Variants in AHCY observed in about 807,000 individuals in gnomAD.
The protein encoded by AHCY is S-adenosyl-L-homocysteine hydrolase.
A neutral mutation model predicts 45.4 loss-of-function variants in AHCY; 24 were observed. That is an observed-to-expected ratio of 0.53 (90% CI 0.38 to 0.74). The LOEUF (loss-of-function observed/expected upper bound fraction) is 0.74. Ranked by LOEUF, AHCY falls within the 30% of genes least tolerant of loss-of-function variation. The probability of loss-of-function intolerance (pLI) is 0.00; values close to 1 mark genes in which losing one functional copy is unlikely to be tolerated. For synonymous variants in AHCY, 245 were observed against 235.1 expected, an observed-to-expected ratio of 1.04 and a Z score of -0.39; for missense variants, 449 against 594.1, an observed-to-expected ratio of 0.76 and a Z score of 2.54.
At chr20:34,282,654 C>A (rs1236466976) in intron 9 of AHCY, among the ~76,000 whole-genome samples, 1 of 152,144 alleles carries the variant, frequency 6.6e-6, no homozygotes, top group Non-Finnish European at 1.5e-5. Context: ...CCACGGTCAC[C>A]AAGCTAGTGA....
chr20:34,267,459 CAAAAAAAAAAAA>C, the AHCY span, among the ~76,000 whole-genome samples: 7 of 46,280 alleles, frequency 1.5e-4, 1 homozygote, highest in Admixed American at 5.2e-4. Flanking sequence ...AACTGGCTCT[CAAAAAAAAAAAA>C]AAAAAAAAAA....
intron 1 of AHCY, among the ~76,000 whole-genome samples, chr20:34,298,833 T>C (rs2036673954): frequency 6.6e-6 from 1 of 152,108 alleles, no homozygotes; most frequent in African/African-American, 2.4e-5. Context: ...TTAGTAAAAA[T>C]ACTAATAGTC....
upstream of AHCY, among the ~76,000 whole-genome samples, chr20:34,306,105 A>G (rs913318743): frequency 6.6e-6 from 1 of 152,014 alleles, no homozygotes; most frequent in East Asian, 1.9e-4. Flanking sequence ...AAAAGAAAAA[A>G]AAAGAAATGT....
At chr20:34,304,440 A>G (rs1308700808), upstream of AHCY, among the ~76,000 whole-genome samples, 1 of 152,160 alleles carries the variant, frequency 6.6e-6, no homozygotes, top group Non-Finnish European at 1.5e-5. Context: ...TATAACTAAT[A>G]TAATGTAAAT....
chr20:34,293,073 G>A (rs904623142), intron 3 of AHCY, among the ~76,000 whole-genome samples: 4 of 152,076 alleles, frequency 2.6e-5, no homozygotes, highest in Admixed American at 6.6e-5. Flanking sequence ...CCATGTGTGG[G>A]GTACTTGCTT....
the AHCY span, chr20:34,269,030 C>T: frequency 1.2e-6 from 2 of 1,607,756 alleles, no homozygotes; most frequent in African/African-American, 2.7e-5. Context: ...GCCCCGGACC[C>T]CCCTATCTGC....
chr20:34,281,020 C>A lies in AHCY; in HGVS notation c.*14G>T, dbSNP rs375775958. ...CAAGGACAGCAGCTGGAGGGTGAAA[C>A]GCAGACCTGGCTCTCAGTAGCGGTA... On this transcript the variant is annotated 3_prime_UTR_variant, in exon 10 of 10. Coordinates refer to ENST00000217426, the MANE Select transcript of AHCY (RefSeq NM_000687.4). 1 of 1,613,984 alleles carries A rather than the reference C, an allele frequency of 6.2e-7. No individual in the cohort carries two copies. The highest frequency in any genetic ancestry group is 8.5e-7 in the Non-Finnish European group (1 of 1,179,976).
At chr20:34,268,948 G>A in the AHCY span, 1 of 1,562,138 alleles carries the variant, frequency 6.4e-7, no homozygotes, top group Non-Finnish European at 8.7e-7. Flanking sequence ...GACCGGAGGG[G>A]TGGGCGTGGC....
the AHCY span, among the ~76,000 whole-genome samples, chr20:34,261,658 C>T: frequency 9.9e-5 from 15 of 151,180 alleles, no homozygotes; most frequent in Non-Finnish European, 2.1e-4. Context: ...AAAAACTAGC[C>T]GGGAATGGTG....
At chr20:34,268,457 C>G in the AHCY span, among the ~76,000 whole-genome samples, 1 of 152,116 alleles carries the variant, frequency 6.6e-6, no homozygotes, top group Non-Finnish European at 1.5e-5. Flanking sequence ...GTGGCTCACG[C>G]CTGTAATGTA....
chr20:34,264,295 A>G, the AHCY span, among the ~76,000 whole-genome samples: 3 of 152,214 alleles, frequency 2.0e-5, no homozygotes, highest in Non-Finnish European at 4.4e-5. Flanking sequence ...ATAATTGTGA[A>G]GATACCTCCT....
chr20:34,247,420 C>A, the AHCY span, among the ~76,000 whole-genome samples: 1 of 151,530 alleles, frequency 6.6e-6, no homozygotes, highest in African/African-American at 2.4e-5. Flanking sequence ...CCTGCCTCAG[C>A]CTCCCGAGTA....
the AHCY span, among the ~76,000 whole-genome samples, chr20:34,255,970 C>G: frequency 4.3e-4 from 65 of 152,226 alleles, no homozygotes; most frequent in Admixed American, 3.2e-3. Flanking sequence ...CAGGCCCACC[C>G]GCAGCCTCCA....
rs747915996 is a variant in AHCY, at chr20:34,292,473, G to A, written c.330C>T (p.Tyr110=). The change falls in exon 4 of 10, where the codon TAC becomes TAT. Residue 110 remains tyrosine, a synonymous_variant. Coordinates refer to ENST00000217426, the MANE Select transcript of AHCY (RefSeq NM_000687.4). ...ACAGGGTCTGCTCAATGCACCACAG[G>A]TACTCCTCGTCCGTTTCGCCCTTCC... ...YAWKGETDEE[Y]LWCIEQTLYF... 12 of 1,614,134 alleles carry A rather than the reference G, an allele frequency of 7.4e-6. No homozygotes were observed. The highest frequency in any genetic ancestry group is 1.0e-5 in the Non-Finnish European group (12 of 1,180,046).
At position 34,291,423 on chromosome 20, in the gene AHCY, G is replaced by A; in HGVS notation, c.554C>T (p.Thr185Ile). 2 of 1,613,860 alleles carry A rather than the reference G, an allele frequency of 1.2e-6. No individual in the cohort carries two copies. Among genetic ancestry groups the A allele is most frequent in the Non-Finnish European group, 1.7e-6 (2 of 1,179,848 alleles). ...VPAINVNDSV[T>I]KSKFDNLYGC... ...TGTCACTGCCCCTCGGCTCACCTTG[G>A]TGACGGAGTCATTGACATTGATGGC... Residue 185 changes from threonine to isoleucine, a missense_variant, in exon 5 of 10, where the codon ACC (threonine) becomes ATC (isoleucine). Thr to Ile is a moderately conservative substitution (Grantham distance 89). Coordinates refer to ENST00000217426, the MANE Select transcript of AHCY (RefSeq NM_000687.4).
chr20:34,260,646 C>T, the AHCY span: 6 of 1,235,980 alleles, frequency 4.9e-6, no homozygotes, highest in Admixed American at 7.0e-5. Flanking sequence ...CCTTCTTGCT[C>T]GTTCCAGGAA....
At chr20:34,251,545 A>C in the AHCY span, among the ~76,000 whole-genome samples, 1 of 152,066 alleles carries the variant, frequency 6.6e-6, no homozygotes, top group African/African-American at 2.4e-5. Context: ...AAGTGCTGGG[A>C]TTACAGGCAT....
rs915508834 is a variant in AHCY, at chr20:34,282,910, C to T, written c.1168-1745G>A. Among the ~76,000 whole-genome samples, 11 of 152,350 alleles carry T rather than the reference C, an allele frequency of 7.2e-5. No homozygotes were observed. The South Asian group carries it at 2.1e-3, about 29-fold the overall frequency. On this transcript the variant is annotated intron_variant, in intron 9 of 9. Transcript: ENST00000217426. ...CGGCCTCTGACCACAGCTCAGCCCACAGCTTTTACATTCCCAAGTGGTTTC... is the reference window on the plus strand; with the variant it reads ...CGGCCTCTGACCACAGCTCAGCCCATAGCTTTTACATTCCCAAGTGGTTTC...
rs1491344960 is a variant in AHCY at position 34,298,610 on chromosome 20, G to GA, written c.29-3026_29-3025insT. ...AGACTGGGAAGTGGCGGCGGCGGGA[G>GA]GGGGGGGGGTGTCTCCCTTTCCCCA... On this transcript the variant is annotated intron_variant, in intron 1 of 9. Coordinates refer to ENST00000217426, the MANE Select transcript of AHCY (RefSeq NM_000687.4). Among the ~76,000 whole-genome samples the GA allele has an allele frequency of 6.1e-5, 6 of 98,086 alleles. No homozygotes were observed. In the East Asian group the frequency reaches 1.3e-3, roughly 22 times the overall value. The allele number at this position is 98,086 out of a possible 152,430, so 64.3% of individuals were successfully genotyped here.
Sources: allele counts gnomAD v4.1 joint callset (sites outside exome capture counted in the v4.1 genomes callset), GRCh38; gene constraint gnomAD v4.1.1; transcripts MANE v1.5; gene names NCBI Gene and HGNC (gene_info 2026-07-23, HGNC 2026-07-21).